Variants in SNTG1 observed in about 807,000 individuals in gnomAD.
The protein encoded by SNTG1 is syntrophin gamma 1.
A neutral mutation model predicts 74.7 loss-of-function variants in SNTG1; 39 were observed. That is an observed-to-expected ratio of 0.52 (90% CI 0.40 to 0.68). The LOEUF is 0.68. SNTG1 is among the 30% of genes least tolerant of loss of function. SNTG1 has a pLI of 0.00. For synonymous variants in SNTG1, 254 were observed against 217.1 expected, an observed-to-expected ratio of 1.17 and a Z score of -1.49; for missense variants, 685 against 609.5, an observed-to-expected ratio of 1.12 and a Z score of -1.30.
Position 49,923,704 on chromosome 8 carries a change from G to GA in SNTG1, c.-103+11483dup, listed in dbSNP as rs561371693. Among the ~76,000 whole-genome samples the GA allele has an allele frequency of 8.9e-4, 129 of 145,690 alleles. 1 individual carries two copies. The South Asian group carries it at 0.012, about 13-fold the overall frequency. ...ACAACTGGAACAAATCCAATAAGGA[G>GA]AAAAAAAAAAGGCTTGGCATCTGAT... On this transcript the variant is annotated intron_variant, in intron 1 of 18. Coordinates refer to ENST00000642720, the MANE Select transcript of SNTG1 (RefSeq NM_018967.5).
intron 1 of SNTG1, among the ~76,000 whole-genome samples, chr8:50,124,685 G>T (rs550717924): frequency 7.1e-6 from 1 of 141,110 alleles, no homozygotes; most frequent in South Asian, 2.7e-4. Flanking sequence ...GACAGAAAAT[G>T]ATCCTGTTCC....
intron 1 of SNTG1, among the ~76,000 whole-genome samples, chr8:50,095,765 A>C (rs914245266): frequency 2.0e-5 from 3 of 152,264 alleles, no homozygotes; most frequent in Non-Finnish European, 2.9e-5. Flanking sequence ...GTGGAAAAAA[A>C]CTGAAGAAAG....
intron 2 of SNTG1, among the ~76,000 whole-genome samples, chr8:50,318,601 G>A (rs1376310400): frequency 1.3e-5 from 2 of 152,156 alleles, no homozygotes; most frequent in Non-Finnish European, 2.9e-5. Context: ...GGATCTTAAT[G>A]GGGGACAAAG....
chr8:50,548,520 T>C (rs1403307273), intron 11 of SNTG1, among the ~76,000 whole-genome samples: 3 of 152,172 alleles, frequency 2.0e-5, no homozygotes, highest in Non-Finnish European at 4.4e-5. Context: ...GATGGACTTG[T>C]TTGTTTTTGT....
chr8:50,337,857 C>T (rs2130916801), intron 2 of SNTG1, among the ~76,000 whole-genome samples: 1 of 152,286 alleles, frequency 6.6e-6, no homozygotes, highest in South Asian at 2.1e-4. Context: ...GTCTTTTAGG[C>T]CGGGCGCAGT....
At chr8:50,172,687 T>C (rs1336165853) in intron 2 of SNTG1, 52 bp downstream of exon 2, 1 of 151,576 alleles carries the variant, frequency 6.6e-6, no homozygotes, top group African/African-American at 2.4e-5. Flanking sequence ...GTGGAAAAAA[T>C]CAACTGTATT....
intron 13 of SNTG1, among the ~76,000 whole-genome samples, chr8:50,637,329 A>G (rs2095045549): frequency 6.6e-6 from 1 of 152,030 alleles, no homozygotes; most frequent in Non-Finnish European, 1.5e-5. Flanking sequence ...CTCTCAATTC[A>G]TGAGTTTACT....
Position 50,223,218 on chromosome 8 carries a change from G to A in SNTG1, c.-28+50583G>A, listed in dbSNP as rs535467763. On this transcript the variant is annotated intron_variant, in intron 2 of 18. Transcript: ENST00000642720. ...TTTCTGGGGTAACAGAACTGTTCTGGAATTAGATATCGAGGAAAAGTACAC... is the reference window on the plus strand; with the variant it reads ...TTTCTGGGGTAACAGAACTGTTCTGAAATTAGATATCGAGGAAAAGTACAC... 5.3e-5 allele frequency among the ~76,000 whole-genome samples: 8 copies of A among 152,082 alleles called. No homozygotes were observed. The East Asian group carries it at 1.5e-3, about 29-fold the overall frequency.
intron 2 of SNTG1, among the ~76,000 whole-genome samples, chr8:50,239,964 G>A (rs199807836): frequency 6.6e-6 from 1 of 152,100 alleles, no homozygotes; most frequent in Non-Finnish European, 1.5e-5. Context: ...AACAACCTTT[G>A]ACTTCCATCA....
chr8:50,753,713 TA>T (rs2095573294), intron 18 of SNTG1, among the ~76,000 whole-genome samples: 1 of 151,922 alleles, frequency 6.6e-6, no homozygotes, highest in Admixed American at 6.6e-5. Context: ...CTCTCATATG[TA>T]ATTCATTAAG....
At chr8:50,764,163 T>C (rs1051280746) in intron 18 of SNTG1, among the ~76,000 whole-genome samples, 10 of 151,806 alleles carry the variant, frequency 6.6e-5, no homozygotes, top group African/African-American at 1.7e-4. Flanking sequence ...TAACACCATA[T>C]ATAAAAACAA....
At chr8:50,438,048 A>C (rs1363883287) in intron 4 of SNTG1, among the ~76,000 whole-genome samples, 2 of 152,144 alleles carry the variant, frequency 1.3e-5, no homozygotes, top group African/African-American at 4.8e-5. Flanking sequence ...ATTCACTTTC[A>C]ATCTAAAACA....
chr8:50,637,658 G>A (rs1412475235), intron 13 of SNTG1, among the ~76,000 whole-genome samples: 1 of 151,716 alleles, frequency 6.6e-6, no homozygotes, highest in Non-Finnish European at 1.5e-5. Flanking sequence ...GCGCAGGATT[G>A]GATGCATTAT....
chr8:50,587,750 G>C (rs902177571), intron 12 of SNTG1, among the ~76,000 whole-genome samples: 51 of 150,136 alleles, frequency 3.4e-4, no homozygotes, highest in African/African-American at 1.2e-3. Context: ...GCTTGAACCC[G>C]GGAGGCGGAG....
In SNTG1 at chr8:50,365,842, CTTA is replaced by C. The variant is rs1453756013; in HGVS notation, c.-27-28366_-27-28364del. ...TAAAATGCATAAAATATTTTAAAAG[CTTA>C]TTAGTCTGTAATTGCTAACATAAAT... On this transcript the variant is annotated intron_variant, in intron 2 of 18. Transcript: ENST00000642720. 2.6e-5 allele frequency among the ~76,000 whole-genome samples: 4 copies of C among 152,130 alleles called. No homozygotes were observed. In the East Asian group the frequency reaches 5.8e-4, roughly 22 times the overall value.
At position 50,384,741 on chromosome 8, in the gene SNTG1, T is replaced by C. The variant is rs113078997; in HGVS notation, c.-27-9471T>C. On this transcript the variant is annotated intron_variant, in intron 2 of 18. Coordinates refer to ENST00000642720, the MANE Select transcript of SNTG1 (RefSeq NM_018967.5). ...GGTTAGGAAACTCCCCATGAGACCA[T>C]AGGTGTGGGCTAAGAGAAAGAAGGT... Among the ~76,000 whole-genome samples, 34 of 152,252 alleles carry C rather than the reference T, an allele frequency of 2.2e-4. No homozygotes were observed. In the East Asian group the frequency reaches 4.6e-3, roughly 21 times the overall value.
chr8:50,202,713 G>C (rs1399426373), intron 2 of SNTG1, among the ~76,000 whole-genome samples: 1 of 151,494 alleles, frequency 6.6e-6, no homozygotes, highest in East Asian at 1.9e-4. Flanking sequence ...GAGAGTTAAA[G>C]TAAATTTACC....
rs370953885 is a variant in SNTG1, at chr8:49,935,593, G to C, written c.-103+23362G>C. Among the ~76,000 whole-genome samples the C allele has an allele frequency of 1.3e-4, 19 of 151,202 alleles. No individual in the cohort carries two copies. In the East Asian group the frequency reaches 2.7e-3, roughly 22 times the overall value. ...GGTGACTCTATCCAAATGCACACCG[G>C]CTCCCATTTTCCCAGCCCTGGTTAA... is the stretch of plus-strand genomic sequence containing the variant. On this transcript the variant is annotated intron_variant, in intron 1 of 18. Transcript: ENST00000642720.
At chr8:50,634,088 C>G (rs1278126436) in intron 13 of SNTG1, among the ~76,000 whole-genome samples, 3 of 152,186 alleles carry the variant, frequency 2.0e-5, no homozygotes, top group African/African-American at 7.2e-5. Context: ...CCGCAGCTGT[C>G]CAGCCTCAGC....
Sources: gnomAD v4.1 joint callset for allele counts (sites outside exome capture counted in the v4.1 genomes callset) on GRCh38, gnomAD v4.1.1 for gene constraint, MANE v1.5 for transcripts, NCBI Gene and HGNC (gene_info 2026-07-23, HGNC 2026-07-21) for gene names.